ZFP91: variants seen among roughly 807,000 people sequenced by gnomAD.
ZFP91 encodes ZFP91 zinc finger protein, atypical E3 ubiquitin ligase.
A neutral mutation model predicts 63.5 loss-of-function variants in ZFP91; 7 were observed. That is an observed-to-expected ratio of 0.11 (90% confidence interval 0.06 to 0.21). The LOEUF (loss-of-function observed/expected upper bound fraction) is 0.21. Among genes scored for constraint, ZFP91 ranks in the 10% least tolerant of loss-of-function variants. ZFP91 has a pLI of 1.00. For missense variants in ZFP91, 628 were observed against 736.6 expected (o/e 0.85, Z 1.71); for synonymous variants, 330 against 272.1 (o/e 1.21, Z -2.10).
intron 2 of ZFP91, among the ~76,000 whole-genome samples, chr11:58,603,317 A>G (rs1855521262): frequency 6.6e-6 from 1 of 152,226 alleles, no homozygotes; most frequent in Admixed American, 6.5e-5. Context: ...AGCACTTGAT[A>G]ATTTGAAAAT....
chr11:58,607,419 C>G (rs12792832), intron 2 of ZFP91, among the ~76,000 whole-genome samples: 5,285 of 152,020 alleles, frequency 0.035, 133 homozygotes, highest in Non-Finnish European at 0.056. Context: ...ATGGATTGTG[C>G]TTAGACTGAA....
intron 2 of ZFP91, among the ~76,000 whole-genome samples, chr11:58,606,412 T>TA (rs1172655596): frequency 4.6e-5 from 7 of 152,296 alleles, no homozygotes; most frequent in Non-Finnish European, 1.0e-4. Context: ...GTATTCTGTA[T>TA]TTGTCGAGAC....
Position 58,616,707 on chromosome 11 carries a change from T to C in ZFP91, c.1103-9T>C. 6.2e-7 allele frequency: 1 copy of C among 1,612,134 alleles called. No homozygotes were observed. The highest frequency in any genetic ancestry group is 8.5e-7 in the Non-Finnish European group (1 of 1,178,422). On this transcript the variant is annotated splice_polypyrimidine_tract_variant and intron_variant, in intron 9 of 10. Transcript: ENST00000316059. Reference sequence around the variant, plus strand: ...AAATAGAACACTAACCACAGTATTTTCTTCATAGATCAAAGGGATTATATC... The same window carrying C: ...AAATAGAACACTAACCACAGTATTTCCTTCATAGATCAAAGGGATTATATC...
intron 1 of ZFP91, 32 bp downstream of exon 1, chr11:58,579,654 A>AC (rs778774328): frequency 5.7e-5 from 85 of 1,498,964 alleles, no homozygotes; most frequent in East Asian, 2.7e-4. Flanking sequence ...GGTGGGAAAG[A>AC]CCCCCCTCTG....
chr11:58,612,710 A>G, intron 7 of ZFP91, 52 bp from the exon 8 acceptor site: 2 of 1,391,484 alleles, frequency 1.4e-6, no homozygotes, highest in Non-Finnish European at 9.9e-7. Flanking sequence ...GCCACTGTGC[A>G]GAGTACCACT....
rs137938939 is a variant in ZFP91, at chr11:58,612,700, G to A, written c.909-62G>A. On this transcript the variant is annotated intron_variant, in intron 7 of 10. Transcript: ENST00000316059. ...CCCAATAGCACAGTTTAAGTCAGAG[G>A]CCACTGTGCAGAGTACCACTTTTTT... 10 of 1,282,406 alleles carry A rather than the reference G, an allele frequency of 7.8e-6. No individual in the cohort carries two copies. In the East Asian group the frequency reaches 2.3e-4, roughly 30 times the overall value. The allele number at this position is 1,282,406 out of a possible 1,614,324, so 79.4% of individuals were successfully genotyped here.
intron 2 of ZFP91, 33 bp from the exon 3 acceptor site, chr11:58,609,797 A>T: frequency 6.3e-7 from 1 of 1,592,302 alleles, no homozygotes; most frequent in Non-Finnish European, 8.6e-7. Context: ...GTTAACTGTA[A>T]ACTTAAAGAG....
intron 2 of ZFP91, among the ~76,000 whole-genome samples, chr11:58,590,009 G>T (rs1240819013): frequency 2.0e-5 from 3 of 152,076 alleles, no homozygotes; most frequent in Admixed American, 6.5e-5. Context: ...AGTTTATTCT[G>T]CTATATATAT....
chr11:58,595,287 A>C (rs1324697117), intron 2 of ZFP91, among the ~76,000 whole-genome samples: 1 of 152,238 alleles, frequency 6.6e-6, no homozygotes, highest in Non-Finnish European at 1.5e-5. Context: ...GAAGAAATTT[A>C]AATACTTAAA....
chr11:58,597,406 G>C (rs1176156498), intron 2 of ZFP91, among the ~76,000 whole-genome samples: 3 of 152,100 alleles, frequency 2.0e-5, no homozygotes, highest in African/African-American at 7.2e-5. Flanking sequence ...AACTTAGGCA[G>C]ATATCCTTCC....
Position 58,621,509 on chromosome 11 carries a change from T to C in ZFP91, c.*3803T>C, listed in dbSNP as rs1272543412. Among the ~76,000 whole-genome samples the C allele has an allele frequency of 6.6e-6, 1 of 152,230 alleles. No individual in the cohort carries two copies. The highest frequency in any genetic ancestry group is 1.9e-4 in the East Asian group (1 of 5,202). Reference sequence around the variant, plus strand: ...GCTGCCCAGGCTGCTCTGTTACATCTCCCATTTATTGTTTACTTTTATAAA... The same window carrying C: ...GCTGCCCAGGCTGCTCTGTTACATCCCCCATTTATTGTTTACTTTTATAAA... On this transcript the variant is annotated 3_prime_UTR_variant, in exon 11 of 11. Transcript: ENST00000316059.
Position 58,612,269 on chromosome 11 carries a change from C to G in ZFP91, c.858-9C>G, listed in dbSNP as rs746741085. The G allele has an allele frequency of 2.1e-5, 34 of 1,613,228 alleles. 1 individual carries two copies. On this transcript the variant is annotated splice_polypyrimidine_tract_variant and intron_variant, in intron 6 of 10. Transcript: ENST00000316059. ...AATATGTCTACTGTTACCCTGTCTTCAATTACAGGAGAGGAAGAAGACGAA... is the reference window on the plus strand; with the variant it reads ...AATATGTCTACTGTTACCCTGTCTTGAATTACAGGAGAGGAAGAAGACGAA...
At chr11:58,615,408 TTTAG>T (rs1161459630) in intron 9 of ZFP91, among the ~76,000 whole-genome samples, 1 of 112,284 alleles carries the variant, frequency 8.9e-6, no homozygotes, top group African/African-American at 2.8e-5. Context: ...TTTAGATTGT[TTTAG>T]TTAAATATCA....
At chr11:58,595,113 C>G (rs1387284626) in intron 2 of ZFP91, among the ~76,000 whole-genome samples, 3 of 152,080 alleles carry the variant, frequency 2.0e-5, no homozygotes, top group Non-Finnish European at 4.4e-5. Flanking sequence ...TGTTCAGTTC[C>G]CTCAGCAGCT....
Position 58,579,259 on chromosome 11 carries a change from G to A in ZFP91, c.-23G>A, listed in dbSNP as rs1477374515. On this transcript the variant is annotated 5_prime_UTR_variant, in exon 1 of 11. Coordinates refer to ENST00000316059, the MANE Select transcript of ZFP91 (RefSeq NM_053023.5). ...TCCGCCTCCGCCGCCTAGGACTAGGGGGTGGGGGACGGACAAGCCCCGATG... is the reference window on the plus strand; with the variant it reads ...TCCGCCTCCGCCGCCTAGGACTAGGAGGTGGGGGACGGACAAGCCCCGATG... The A allele has an allele frequency of 4.2e-6, 6 of 1,412,324 alleles. No homozygotes were observed. In the African/African-American group the frequency reaches 4.6e-5, roughly 11 times the overall value. 87.5% of individuals were successfully genotyped at this position (1,412,324 alleles called of 1,614,324 possible).
At position 58,583,568 on chromosome 11, in the gene ZFP91, C is replaced by G. The variant is rs145400102; in HGVS notation, c.342-1288C>G. On this transcript the variant is annotated intron_variant, in intron 1 of 10. Coordinates refer to ENST00000316059, the MANE Select transcript of ZFP91 (RefSeq NM_053023.5). ...TTGTACAAGACTGAAATCCTGTGAT[C>G]AGGATCTTAATCAGTATGATGATAG... is the stretch of plus-strand genomic sequence containing the variant. 9.5e-4 allele frequency among the ~76,000 whole-genome samples: 144 copies of G among 152,112 alleles called. 2 individuals are homozygous for G. In the East Asian group the frequency reaches 0.027, roughly 28 times the overall value.
chr11:58,597,401 A>C (rs2134403576), intron 2 of ZFP91, among the ~76,000 whole-genome samples: 2 of 152,278 alleles, frequency 1.3e-5, no homozygotes, highest in African/African-American at 4.8e-5. Context: ...TTAAAAACTT[A>C]GGCAGATATC....
chr11:58,596,042 C>T (rs1199884227), intron 2 of ZFP91, among the ~76,000 whole-genome samples: 2 of 152,148 alleles, frequency 1.3e-5, no homozygotes, highest in African/African-American at 2.4e-5. Flanking sequence ...TTACTAATAG[C>T]CTGCTGTTGA....
intron 2 of ZFP91, among the ~76,000 whole-genome samples, chr11:58,601,498 T>C (rs572090981): frequency 6.6e-6 from 1 of 152,338 alleles, no homozygotes; most frequent in South Asian, 2.1e-4. Context: ...GATTTTGTTA[T>C]CTTGTCAAAG....
Sources: allele counts gnomAD v4.1 joint callset (sites outside exome capture counted in the v4.1 genomes callset), GRCh38; gene constraint gnomAD v4.1.1; transcripts MANE v1.5; gene names NCBI Gene and HGNC (gene_info 2026-07-23, HGNC 2026-07-21).